The following MMS22L variants were observed in gnomAD, a reference collection of about 807,000 sequenced individuals.
MMS22L encodes MMS22 like, DNA repair protein, also known as protein MMS22-like.
Under a neutral mutation model 159.1 loss-of-function variants are expected in MMS22L, and 74 were observed. The observed-to-expected ratio is 0.47, with a 90% CI of 0.39 to 0.56. MMS22L has a LOEUF of 0.56. Among genes scored for constraint, MMS22L ranks in the 20% least tolerant of loss-of-function variants. MMS22L has a pLI of 0.00. For synonymous variants in MMS22L, 517 were observed against 506.9 expected (o/e 1.02, Z -0.27); for missense variants, 1,351 against 1,422.1 (o/e 0.95, Z 0.80).
chr6:97,226,699 G>A (rs1198940356), intron 14 of MMS22L, among the ~76,000 whole-genome samples: 3 of 151,904 alleles, frequency 2.0e-5, no homozygotes, highest in African/African-American at 4.8e-5. Context: ...CATATATAGT[G>A]TGTGTATATA....
chr6:97,211,026 T>C (rs995951983), intron 14 of MMS22L, among the ~76,000 whole-genome samples: 1 of 152,020 alleles, frequency 6.6e-6, no homozygotes, highest in Non-Finnish European at 1.5e-5. Flanking sequence ...CTTTCTACTA[T>C]ACTATAAGCT....
At chr6:97,253,516 A>G (rs2128055389) in intron 10 of MMS22L, 1 of 143,318 alleles carries the variant, frequency 7.0e-6, no homozygotes, top group South Asian at 2.2e-4. Flanking sequence ...TCTGGAGTGC[A>G]GTGGTGTGAT....
intron 10 of MMS22L, among the ~76,000 whole-genome samples, chr6:97,248,343 A>G (rs908106458): frequency 4.6e-5 from 7 of 152,210 alleles, no homozygotes; most frequent in Non-Finnish European, 1.0e-4. Flanking sequence ...CTGAGCTAGA[A>G]CCACCCAGCT....
At position 97,263,490 on chromosome 6, in the gene MMS22L, C is replaced by A. The variant is rs143383559; in HGVS notation, c.829-42G>T. 7.4e-4 allele frequency: 784 copies of A among 1,057,432 alleles called. 2 individuals are homozygous for A. In the African/African-American group the frequency reaches 9.1e-3, roughly 12 times the overall value. The allele number at this position is 1,057,432 out of a possible 1,614,324, so 65.5% of individuals were successfully genotyped here. A position where few individuals can be genotyped will look rare whatever the true frequency, so the allele number is the denominator to read the frequency against. On this transcript the variant is annotated intron_variant, in intron 8 of 24. Transcript: ENST00000683635. ...AAATGTGTTATTTATAAGACAGCAG[C>A]AGAATTTTAAATGCCATATATCTTT...
chr6:97,177,187 A>G (rs1304948399), intron 18 of MMS22L, among the ~76,000 whole-genome samples: 1 of 152,160 alleles, frequency 6.6e-6, no homozygotes, highest in Non-Finnish European at 1.5e-5. Context: ...CATTAAAAAA[A>G]TTATTTAACC....
chr6:97,188,440 T>C (rs551103465), intron 14 of MMS22L, among the ~76,000 whole-genome samples: 15 of 152,296 alleles, frequency 9.8e-5, no homozygotes, highest in Admixed American at 3.3e-4. Flanking sequence ...TTAAATTCTT[T>C]TAAAATCGGA....
intron 14 of MMS22L, among the ~76,000 whole-genome samples, chr6:97,202,070 A>T (rs1300218019): frequency 6.6e-6 from 1 of 152,190 alleles, no homozygotes; most frequent in East Asian, 1.9e-4. Context: ...AGACCACTGT[A>T]TTCTTCTTAT....
intron 3 of MMS22L, 84 bp from the exon 4 acceptor site, chr6:97,278,982 C>T: frequency 2.7e-6 from 3 of 1,115,582 alleles, no homozygotes; most frequent in Non-Finnish European, 4.0e-6. Flanking sequence ...TTCCAAATTA[C>T]ACAGCTTCAA....
chr6:97,163,744 T>A (rs186797537), intron 21 of MMS22L, among the ~76,000 whole-genome samples: 4 of 152,218 alleles, frequency 2.6e-5, no homozygotes, highest in Admixed American at 2.6e-4. Flanking sequence ...ACATACATGG[T>A]ACACTGACAT....
chr6:97,214,962 G>A (rs935029684), intron 14 of MMS22L, among the ~76,000 whole-genome samples: 3 of 150,862 alleles, frequency 2.0e-5, no homozygotes, highest in African/African-American at 7.3e-5. Context: ...TACTATTCCA[G>A]GAAGGGTGTA....
At chr6:97,214,672 T>C (rs1808774482) in intron 14 of MMS22L, among the ~76,000 whole-genome samples, 1 of 139,684 alleles carries the variant, frequency 7.2e-6, no homozygotes, top group Non-Finnish European at 1.5e-5. Flanking sequence ...CATAAGATTT[T>C]ACTATTTTTT....
intron 11 of MMS22L, among the ~76,000 whole-genome samples, chr6:97,234,683 G>T (rs1457622565): frequency 6.6e-6 from 1 of 152,066 alleles, no homozygotes; most frequent in Non-Finnish European, 1.5e-5. Context: ...AAAAGAAAAG[G>T]ACACTAAAAC....
chr6:97,282,159 C>G (rs963280349), intron 2 of MMS22L, among the ~76,000 whole-genome samples, 155 bp downstream of exon 2: 1 of 152,140 alleles, frequency 6.6e-6, no homozygotes, highest in Non-Finnish European at 1.5e-5. Flanking sequence ...AAGAAGCCAG[C>G]AGAACTGATA....
intron 17 of MMS22L, among the ~76,000 whole-genome samples, chr6:97,179,086 A>G (rs1804416475): frequency 6.6e-6 from 1 of 152,044 alleles, no homozygotes; most frequent in Admixed American, 6.6e-5. Flanking sequence ...CTCGCTTCAG[A>G]GTTCTACTTT....
intron 6 of MMS22L, 181 bp downstream of exon 6, chr6:97,272,523 G>A (rs1815850685): frequency 1.8e-6 from 1 of 556,358 alleles, no homozygotes. Context: ...AGATGTGGAG[G>A]CTGAGGTGTC....
At chr6:97,182,135 CAA>C in intron 15 of MMS22L, 81 bp from the exon 16 acceptor site, 2 of 1,036,640 alleles carry the variant, frequency 1.9e-6, no homozygotes, top group Non-Finnish European at 2.7e-6. Context: ...CCAATTATAA[CAA>C]GTGTTTTTTT....
At position 97,144,229 on chromosome 6, in the gene MMS22L, T is replaced by G. The variant is rs878944415; in HGVS notation, c.*2577A>C. 1.3e-5 allele frequency: 2 copies of G among 151,318 alleles called. No homozygotes were observed. Among genetic ancestry groups the G allele is most frequent in the South Asian group, 4.2e-4 (2 of 4,806 alleles). The allele number at this position is 151,318 out of a possible 1,614,324, so 9.4% of individuals were successfully genotyped here. ...CGACTGGGGACAGGAAAGAAGACCA[T>G]GAAGGTGCTCTCAAGATACAGTGGT... On this transcript the variant is annotated 3_prime_UTR_variant, in exon 25 of 25. Coordinates refer to ENST00000683635, the MANE Select transcript of MMS22L (RefSeq NM_001350599.2).
chr6:97,233,996 A>C lies in MMS22L; in HGVS notation c.1183-16T>G, dbSNP rs777807596. On this transcript the variant is annotated splice_polypyrimidine_tract_variant and intron_variant, in intron 11 of 24. Coordinates refer to ENST00000683635, the MANE Select transcript of MMS22L (RefSeq NM_001350599.2). The stretch of plus-strand genomic sequence containing the variant: ...GAATGACACCCTAAAAAATAAACTG[A>C]AGTTATGAGAAGGTAAATGGGCTCT... 2.5e-6 allele frequency: 4 copies of C among 1,603,618 alleles called. No homozygotes were observed. Among genetic ancestry groups the C allele is most frequent in the Non-Finnish European group, 3.4e-6 (4 of 1,175,854 alleles).
chr6:97,182,880 C>A (rs533615403), intron 15 of MMS22L, among the ~76,000 whole-genome samples: 2 of 152,190 alleles, frequency 1.3e-5, no homozygotes, highest in South Asian at 4.1e-4. Context: ...CTACTACTTC[C>A]TAGTTCACCT....
Sources: allele counts gnomAD v4.1 joint callset (sites outside exome capture counted in the v4.1 genomes callset), GRCh38; gene constraint gnomAD v4.1.1; transcripts MANE v1.5; gene names NCBI Gene and HGNC (gene_info 2026-07-23, HGNC 2026-07-21).